The following PAPPA2 variants were observed in gnomAD, a reference collection of about 807,000 sequenced individuals.
PAPPA2 encodes the protein pappalysin-2.
PAPPA2 carries 86 observed loss-of-function variants against 176.4 expected under a neutral mutation model. The ratio of observed to expected loss-of-function variants is 0.49; its 90% CI spans 0.41 to 0.58. The LOEUF (loss-of-function observed/expected upper bound fraction) is 0.58, where lower values mean the gene tolerates loss of function less well. PAPPA2 is among the 20% of genes least tolerant of loss of function. PAPPA2 has a pLI of 0.00. For missense variants in PAPPA2, 2,073 were observed against 2,256.9 expected, an observed-to-expected ratio of 0.92 and a Z score of 1.65; for synonymous variants, 809 against 852.2, an observed-to-expected ratio of 0.95 and a Z score of 0.88.
intron 13 of PAPPA2, 31 bp downstream of exon 13, chr1:176,739,792 C>G: frequency 6.2e-7 from 1 of 1,610,160 alleles, no homozygotes; most frequent in Non-Finnish European, 8.5e-7. Context: ...TTTAGGGTCA[C>G]TAGAGGACAA....
chr1:176,531,382 G>T (rs756075574), intron 1 of PAPPA2, among the ~76,000 whole-genome samples: 1 of 152,198 alleles, frequency 6.6e-6, no homozygotes, highest in Non-Finnish European at 1.5e-5. Flanking sequence ...CTGTCTGGGC[G>T]CTAGGGTGTA....
chr1:176,808,810 CTT>C (rs1332706262), intron 21 of PAPPA2, among the ~76,000 whole-genome samples: 3 of 152,016 alleles, frequency 2.0e-5, no homozygotes, highest in African/African-American at 7.2e-5. Context: ...ATAATAATAC[CTT>C]TGGAAAAAAT....
At chr1:176,545,161 G>A (rs1650565358) in intron 1 of PAPPA2, among the ~76,000 whole-genome samples, 1 of 152,100 alleles carries the variant, frequency 6.6e-6, no homozygotes, top group African/African-American at 2.4e-5. Context: ...TAACCATATG[G>A]CTGGTTTCCC....
intron 1 of PAPPA2, among the ~76,000 whole-genome samples, chr1:176,497,746 C>T (rs1270339606): frequency 6.6e-6 from 1 of 152,182 alleles, no homozygotes; most frequent in Non-Finnish European, 1.5e-5. Flanking sequence ...TCTCAACAGT[C>T]CTCCACTGCC....
intron 2 of PAPPA2, among the ~76,000 whole-genome samples, chr1:176,573,756 G>A (rs1403480466): frequency 6.6e-6 from 1 of 152,208 alleles, no homozygotes; most frequent in Admixed American, 6.5e-5. Context: ...TGTCCAAGAT[G>A]AGTGGGGAGT....
intron 4 of PAPPA2, among the ~76,000 whole-genome samples, chr1:176,684,291 C>T (rs1659729184): frequency 6.6e-6 from 1 of 152,126 alleles, no homozygotes; most frequent in Admixed American, 6.6e-5. Context: ...TCCTTTTACA[C>T]TAGTACTTTA....
intron 2 of PAPPA2, among the ~76,000 whole-genome samples, chr1:176,580,358 G>A (rs919975171): frequency 1.3e-5 from 2 of 152,098 alleles, no homozygotes; most frequent in African/African-American, 4.8e-5. Context: ...TTTTATGGCT[G>A]AATAATATTA....
At chr1:176,623,711 C>CTTTCT (rs58667717) in intron 3 of PAPPA2, among the ~76,000 whole-genome samples, 5 of 123,562 alleles carry the variant, frequency 4.0e-5, no homozygotes, top group Admixed American at 8.5e-5. Flanking sequence ...TCTTTCTTTT[C>CTTTCT]TTCTTTCTTT....
At chr1:176,574,633 A>G (rs1433046554) in intron 2 of PAPPA2, among the ~76,000 whole-genome samples, 1 of 152,162 alleles carries the variant, frequency 6.6e-6, no homozygotes, top group African/African-American at 2.4e-5. Flanking sequence ...TCCTGAAGCT[A>G]TTGGCTACTC....
At chr1:176,619,579 C>T (rs769527643) in intron 3 of PAPPA2, among the ~76,000 whole-genome samples, 14 of 152,158 alleles carry the variant, frequency 9.2e-5, no homozygotes, top group Non-Finnish European at 1.9e-4. Flanking sequence ...ATATATAATT[C>T]AGCAGGTAAT....
At chr1:176,712,029 A>G (rs1661169253) in intron 12 of PAPPA2, 48 bp downstream of exon 12, 49 of 1,426,060 alleles carry the variant, frequency 3.4e-5, no homozygotes, top group South Asian at 4.4e-5. Flanking sequence ...GTGTAAGCAT[A>G]TGTGTGTGTG....
At chr1:176,639,464 T>TA (rs372237212) in intron 3 of PAPPA2, among the ~76,000 whole-genome samples, 47 of 152,208 alleles carry the variant, frequency 3.1e-4, no homozygotes, top group African/African-American at 1.0e-3. Context: ...TTTTATTCTT[T>TA]AAAAAATGAG....
At position 176,479,857 on chromosome 1, in the gene PAPPA2, T is replaced by C. The variant is rs192591031; in HGVS notation, c.-917+16439T>C. On this transcript the variant is annotated intron_variant, in intron 1 of 22. Transcript: ENST00000367662. ...CACTAACTTGATTTGTAACATTGAC[T>C]GTCCTTGTTGTATTCCCCACATTTA... 1.4e-3 allele frequency among the ~76,000 whole-genome samples: 207 copies of C among 152,382 alleles called. 1 individual carries two copies. Among genetic ancestry groups the C allele is most frequent in the Non-Finnish European group, 1.8e-3 (124 of 68,044 alleles).
At chr1:176,771,775 T>A (rs1176586550) in intron 17 of PAPPA2, among the ~76,000 whole-genome samples, 1 of 152,214 alleles carries the variant, frequency 6.6e-6, no homozygotes, top group Non-Finnish European at 1.5e-5. Flanking sequence ...CCTAGACCCA[T>A]GGCAAGAAAC....
chr1:176,812,844 A>T (rs1484473642), intron 21 of PAPPA2, among the ~76,000 whole-genome samples: 2 of 151,930 alleles, frequency 1.3e-5, no homozygotes, highest in Admixed American at 6.6e-5. Context: ...TACATAGGTG[A>T]ACATGTGCCA....
chr1:176,615,150 T>G (rs1489993588), intron 3 of PAPPA2, among the ~76,000 whole-genome samples: 1 of 152,174 alleles, frequency 6.6e-6, no homozygotes, highest in African/African-American at 2.4e-5. Flanking sequence ...AAAGGCAACA[T>G]TTTGCTAAAA....
chr1:176,720,958 A>G lies in PAPPA2; in HGVS notation c.3798+8977A>G, dbSNP rs557359384. Among the ~76,000 whole-genome samples the G allele has an allele frequency of 1.2e-4, 19 of 152,286 alleles. No individual in the cohort carries two copies. In the South Asian group the frequency reaches 1.9e-3, roughly 15 times the overall value. On this transcript the variant is annotated intron_variant, in intron 12 of 22. Transcript: ENST00000367662. Reference sequence around the variant, plus strand: ...CTGCTCTGGAAGAGGAAGAAAGAAAAGTCTCCCCTTCTTTCACCTGTTTGT... The same window carrying G: ...CTGCTCTGGAAGAGGAAGAAAGAAAGGTCTCCCCTTCTTTCACCTGTTTGT...
intron 3 of PAPPA2, among the ~76,000 whole-genome samples, chr1:176,604,362 G>A (rs7529195): frequency 0.16 from 24,340 of 152,036 alleles, 2,062 homozygotes; most frequent in Middle Eastern, 0.22. Flanking sequence ...ACGTTTGGGC[G>A]ACTCTCATAC....
At chr1:176,727,283 A>G (rs1278350820) in intron 12 of PAPPA2, among the ~76,000 whole-genome samples, 4 of 152,078 alleles carry the variant, frequency 2.6e-5, no homozygotes, top group African/African-American at 9.7e-5. Flanking sequence ...AGAAATTGTC[A>G]TATAAAAAGA....
Sources: allele counts gnomAD v4.1 joint callset (sites outside exome capture counted in the v4.1 genomes callset), GRCh38; gene constraint gnomAD v4.1.1; transcripts MANE v1.5; gene names NCBI Gene and HGNC (gene_info 2026-07-23, HGNC 2026-07-21).